PARL: variants seen among roughly 807,000 people sequenced by gnomAD.
PARL encodes presenilin-associated rhomboid-like protein, mitochondrial.
Under a neutral mutation model 51.6 loss-of-function variants are expected in PARL, and 44 were observed. The ratio of observed to expected loss-of-function variants is 0.85; its 90% CI spans 0.67 to 1.10. PARL has a LOEUF of 1.10. Ranked by LOEUF, PARL falls within the 50% of genes least tolerant of loss-of-function variation. The pLI is 0.00. For synonymous variants in PARL, 172 were observed against 164.0 expected (o/e 1.05, Z -0.37); for missense variants, 441 against 469.5 (o/e 0.94, Z 0.56).
intron 7 of PARL, among the ~76,000 whole-genome samples, chr3:183,835,046 G>A (rs888838152): frequency 2.6e-5 from 4 of 151,610 alleles, no homozygotes; most frequent in Non-Finnish European, 5.9e-5. Flanking sequence ...GTAAAACAGC[G>A]AGACTCTGTC....
At chr3:183,876,284 C>T (rs113227666) in intron 1 of PARL, among the ~76,000 whole-genome samples, 1,700 of 152,164 alleles carry the variant, frequency 0.011, 40 homozygotes, top group African/African-American at 0.04. Flanking sequence ...TGATCTCAGG[C>T]GATCCGCCCG....
intron 9 of PARL, among the ~76,000 whole-genome samples, chr3:183,831,980 G>C (rs1317096699): frequency 1.3e-5 from 2 of 152,014 alleles, no homozygotes; most frequent in East Asian, 1.9e-4. Context: ...AAATCTACTG[G>C]GGAGAAGAGC....
intron 6 of PARL, among the ~76,000 whole-genome samples, chr3:183,841,210 C>T (rs1729275916): frequency 6.6e-6 from 1 of 152,168 alleles, no homozygotes; most frequent in Non-Finnish European, 1.5e-5. Context: ...TTTGAGTCAA[C>T]GTGGCTCATT....
rs768066980 is a variant in PARL, at chr3:183,842,446, C to T, written c.609G>A (p.Lys203=). The part of the protein sequence containing the change: ...IRYFTSNPAS[K]VLCSPMLLST... ...ACAGCAACATTGGAGAACAAAGGAC[C>T]TCTACAAGAGAGAGAAACATAGTCT... Residue 203 remains lysine (K), a splice_region_variant and synonymous_variant, in exon 6 of 10, where the codon AAG becomes AAA. Coordinates refer to ENST00000317096, the MANE Select transcript of PARL (RefSeq NM_018622.7). 1 of 1,611,682 alleles carries T rather than the reference C, an allele frequency of 6.2e-7. No homozygotes were observed. Among genetic ancestry groups the T allele is most frequent in the African/African-American group, 1.3e-5 (1 of 74,878 alleles).
intron 3 of PARL, among the ~76,000 whole-genome samples, chr3:183,863,541 T>C (rs1015112388): frequency 7.2e-5 from 11 of 152,158 alleles, no homozygotes; most frequent in African/African-American, 2.7e-4. Context: ...CAGATTTTGT[T>C]ATTAAAAGAA....
chr3:183,828,433 T>A (rs1270935502), downstream of PARL, among the ~76,000 whole-genome samples: 1 of 152,236 alleles, frequency 6.6e-6, no homozygotes, highest in East Asian at 1.9e-4. Context: ...TGCCGTTTCC[T>A]CGCTGGCAAA....
In PARL at chr3:183,876,947, C is replaced by A. The variant is rs1410729329; in HGVS notation, c.125+7775G>T. The stretch of plus-strand genomic sequence containing the variant: ...GAACTAGAGGCTGGGTGCAGTGGCT[C>A]ATGCCTGTAATCCCAGTACCCTGGG... On this transcript the variant is annotated intron_variant, in intron 1 of 9. Transcript: ENST00000317096. Among the ~76,000 whole-genome samples, 4 of 152,244 alleles carry A rather than the reference C, an allele frequency of 2.6e-5. No individual in the cohort carries two copies. In the South Asian group the frequency reaches 8.3e-4, roughly 31 times the overall value.
intron 7 of PARL, among the ~76,000 whole-genome samples, chr3:183,838,516 C>T (rs1728921657): frequency 6.6e-6 from 1 of 151,970 alleles, no homozygotes; most frequent in Non-Finnish European, 1.5e-5. Flanking sequence ...GTTATCCTAC[C>T]ACGGCGCTGT....
intron 1 of PARL, chr3:183,883,782 C>T: frequency 1.5e-6 from 1 of 668,016 alleles, no homozygotes; most frequent in Non-Finnish European, 1.9e-6. Flanking sequence ...TCTTCCACTC[C>T]ACCCACCCCT....
intron 4 of PARL, among the ~76,000 whole-genome samples, chr3:183,853,083 G>T (rs1423636805): frequency 6.6e-6 from 1 of 152,140 alleles, no homozygotes; most frequent in Non-Finnish European, 1.5e-5. Context: ...TGATTTCTTG[G>T]CTATGACACC....
chr3:183,884,721 C>A lies in PARL; in HGVS notation c.125+1G>T, dbSNP rs754040361. 1.9e-6 allele frequency: 3 copies of A among 1,589,274 alleles called. No individual in the cohort carries two copies. In the Admixed American group the frequency reaches 5.3e-5, roughly 28 times the overall value. ...GAAGACCAGAGCGCGGCGGCTATTA[C>A]CTGCGTCCGAGGAGCTGCGGCGGGG... On this transcript the variant is annotated splice_donor_variant, in intron 1 of 9. Coordinates refer to ENST00000317096, the MANE Select transcript of PARL (RefSeq NM_018622.7). LOFTEE classifies it high-confidence loss of function.
chr3:183,865,411 C>T (rs1262890323), intron 3 of PARL, among the ~76,000 whole-genome samples: 1 of 152,190 alleles, frequency 6.6e-6, no homozygotes, highest in Non-Finnish European at 1.5e-5. Flanking sequence ...CCCCAACAAC[C>T]CGGCTGCTGA....
intron 4 of PARL, among the ~76,000 whole-genome samples, chr3:183,860,156 A>G (rs1411621712): frequency 6.6e-6 from 1 of 152,216 alleles, no homozygotes; most frequent in Admixed American, 6.5e-5. Flanking sequence ...GATTAAAACC[A>G]GAAGCTGAGC....
At chr3:183,853,832 T>C (rs1730827114) in intron 4 of PARL, among the ~76,000 whole-genome samples, 1 of 152,230 alleles carries the variant, frequency 6.6e-6, no homozygotes, top group Non-Finnish European at 1.5e-5. Flanking sequence ...ACTTGAGCGC[T>C]GTTGGCGAGA....
At position 183,844,437 on chromosome 3, in the gene PARL, C is replaced by T. The variant is rs191069403; in HGVS notation, c.512-111G>A. ...CACAATTATGTAAGAGTACTGTATA[C>T]CTGGGGGATAGGGGGTGAGCCAAAA... is the stretch of plus-strand genomic sequence containing the variant. On this transcript the variant is annotated intron_variant, in intron 4 of 9. Transcript: ENST00000317096. 1.3e-5 allele frequency: 10 copies of T among 760,422 alleles called. No homozygotes were observed. In the African/African-American group the frequency reaches 1.8e-4, roughly 13 times the overall value. 47.1% of individuals were successfully genotyped at this position (760,422 alleles called of 1,614,324 possible). A position where few individuals can be genotyped will look rare whatever the true frequency, so the allele number is the denominator to read the frequency against.
chr3:183,844,233 G>A lies in PARL; in HGVS notation c.605C>T (p.Ser202Leu), dbSNP rs1281445729. Residue 202 changes from serine to leucine, a missense_variant and splice_region_variant, in exon 5 of 10, where the codon TCA becomes TTA. Ser to Leu is a moderately radical substitution (Grantham distance 145, BLOSUM62 -2). Coordinates refer to ENST00000317096, the MANE Select transcript of PARL (RefSeq NM_018622.7). ...MIRYFTSNPA[S>L]KVLCSPMLLS... ...AAATTCACACAAGTTAGACTTACTT[G>A]AGGCTGGATTCGATGTGAAATATCT... 2.5e-6 allele frequency: 4 copies of A among 1,574,338 alleles called. No homozygotes were observed. The African/African-American group carries it at 5.4e-5, about 21-fold the overall frequency.
chr3:183,851,287 GA>G (rs1459628404), intron 4 of PARL, among the ~76,000 whole-genome samples: 1 of 151,950 alleles, frequency 6.6e-6, no homozygotes, highest in Non-Finnish European at 1.5e-5. Flanking sequence ...AGCAACAAAA[GA>G]AAAAAATAGA....
intron 3 of PARL, among the ~76,000 whole-genome samples, chr3:183,864,562 G>T (rs1473112058): frequency 1.3e-5 from 2 of 152,128 alleles, no homozygotes; most frequent in African/African-American, 2.4e-5. Flanking sequence ...AGATCACGAG[G>T]TCAGGAGATC....
At chr3:183,842,560 A>G (rs1383810647) in intron 5 of PARL, 113 bp from the exon 6 acceptor site, 2 of 994,628 alleles carry the variant, frequency 2.0e-6, no homozygotes, top group Non-Finnish European at 3.1e-6. Context: ...CTGTAATCCC[A>G]GCACTTTGGG....
Sources: gnomAD v4.1 joint callset for allele counts (sites outside exome capture counted in the v4.1 genomes callset) on GRCh38, gnomAD v4.1.1 for gene constraint, MANE v1.5 for transcripts, NCBI Gene and HGNC (gene_info 2026-07-23, HGNC 2026-07-21) for gene names.